The following PTPRM variants were observed in gnomAD, a reference collection of about 807,000 sequenced individuals.
The protein encoded by PTPRM is protein tyrosine phosphatase receptor type M, also known as receptor-type tyrosine-protein phosphatase mu.
A neutral mutation model predicts 186.7 loss-of-function variants in PTPRM; 47 were observed. That is an observed-to-expected ratio of 0.25 (90% confidence interval 0.20 to 0.32). The LOEUF is 0.32. PTPRM is among the 10% of genes least tolerant of loss of function. The pLI, the probability that PTPRM is intolerant of heterozygous loss-of-function variation, is 1.00. For missense variants in PTPRM, 1,494 were observed against 1,865.0 expected (o/e 0.80, Z 3.66); for synonymous variants, 668 against 674.9 (o/e 0.99, Z 0.16).
intron 1 of PTPRM, among the ~76,000 whole-genome samples, chr18:7,642,718 T>G (rs1053846070): frequency 6.6e-5 from 10 of 152,128 alleles, no homozygotes; most frequent in East Asian, 5.8e-4. Context: ...TCATTTGATG[T>G]GGTCGCGCTA....
At chr18:7,829,348 T>C (rs1158372365) in intron 2 of PTPRM, among the ~76,000 whole-genome samples, 2 of 152,186 alleles carry the variant, frequency 1.3e-5, no homozygotes, top group African/African-American at 2.4e-5. Flanking sequence ...AAGATAATAA[T>C]AGATGCACAT....
chr18:8,134,839 G>A lies in PTPRM; in HGVS notation c.2168-8808G>A, dbSNP rs114406470. Among the ~76,000 whole-genome samples, 1,239 of 152,080 alleles carry A rather than the reference G, an allele frequency of 8.1e-3. 12 individuals carry two copies. The highest frequency in any genetic ancestry group is 0.028 in the African/African-American group (1,147 of 41,484). On this transcript the variant is annotated intron_variant, in intron 13 of 32. Transcript: ENST00000580170. ...TGAGCAATAACCACTTGAGTTTTCT[G>A]TATTATATTGGGGAATGCTGTAGTG...
intron 18 of PTPRM, 146 bp from the exon 19 acceptor site, chr18:8,253,081 T>G (rs2094543334): frequency 5.5e-6 from 3 of 541,882 alleles, no homozygotes; most frequent in Admixed American, 4.2e-5. Context: ...TTCTAAACAT[T>G]TAACTTTTCT....
Position 7,944,748 on chromosome 18 carries a change from T to A in PTPRM, c.664-4433T>A, listed in dbSNP as rs148105973. On this transcript the variant is annotated intron_variant, in intron 5 of 32. Coordinates refer to ENST00000580170, the MANE Select transcript of PTPRM (RefSeq NM_001105244.2). ...TAGTTCTGTGCTCTCTCTTGGCTCC[T>A]GACTCTGAAGAGCTTCTCTTATTCA... 1.6e-4 allele frequency among the ~76,000 whole-genome samples: 24 copies of A among 152,334 alleles called. No homozygotes were observed. In the East Asian group the frequency reaches 4.6e-3, roughly 29 times the overall value.
intron 2 of PTPRM, among the ~76,000 whole-genome samples, chr18:7,802,591 G>A (rs79715555): frequency 2.1e-3 from 317 of 152,224 alleles, no homozygotes; most frequent in African/African-American, 7.4e-3. Flanking sequence ...GCCCACTGCC[G>A]TTATTACAAA....
At chr18:7,707,153 A>G (rs576495817) in intron 1 of PTPRM, among the ~76,000 whole-genome samples, 11 of 152,320 alleles carry the variant, frequency 7.2e-5, no homozygotes, top group African/African-American at 2.4e-4. Context: ...AGGAAAATAT[A>G]AAGCATTATT....
intron 4 of PTPRM, among the ~76,000 whole-genome samples, chr18:7,920,747 T>C (rs1431173178): frequency 1.3e-5 from 2 of 152,214 alleles, no homozygotes; most frequent in Admixed American, 1.3e-4. Flanking sequence ...TCCTTTCAGA[T>C]TGAAGAATTC....
intron 28 of PTPRM, 121 bp from the exon 29 acceptor site, chr18:8,380,175 C>A: frequency 9.6e-7 from 1 of 1,044,452 alleles, no homozygotes; most frequent in Non-Finnish European, 1.4e-6. Context: ...TGACAGAATT[C>A]AACAGCTGTT....
intron 7 of PTPRM, among the ~76,000 whole-genome samples, chr18:8,029,030 C>T (rs2085762580): frequency 2.0e-5 from 3 of 152,240 alleles, no homozygotes; most frequent in African/African-American, 7.2e-5. Flanking sequence ...AGGGCTGGGC[C>T]TTCCCTATGC....
intron 14 of PTPRM, among the ~76,000 whole-genome samples, chr18:8,201,497 A>G (rs1247765878): frequency 2.0e-5 from 3 of 152,184 alleles, no homozygotes; most frequent in Non-Finnish European, 4.4e-5. Flanking sequence ...TGCTATTACT[A>G]TATCTATTTA....
At chr18:7,650,098 C>T (rs2038661679) in intron 1 of PTPRM, among the ~76,000 whole-genome samples, 1 of 152,100 alleles carries the variant, frequency 6.6e-6, no homozygotes, top group South Asian at 2.1e-4. Context: ...GTGCGGATTA[C>T]TGGTACAGTA....
intron 14 of PTPRM, among the ~76,000 whole-genome samples, chr18:8,229,197 CCAGG>C (rs2094253870): frequency 6.6e-6 from 1 of 152,008 alleles, no homozygotes; most frequent in African/African-American, 2.4e-5. Flanking sequence ...CTACCACATG[CCAGG>C]CACTTTCTAA....
chr18:7,972,650 C>A (rs1053470784), intron 7 of PTPRM, among the ~76,000 whole-genome samples: 1 of 151,760 alleles, frequency 6.6e-6, no homozygotes, highest in South Asian at 2.1e-4. Flanking sequence ...CTATAATGCT[C>A]CTAATTTGAG....
At chr18:7,706,958 T>C (rs539055774) in intron 1 of PTPRM, among the ~76,000 whole-genome samples, 2 of 152,142 alleles carry the variant, frequency 1.3e-5, no homozygotes, top group East Asian at 1.9e-4. Context: ...TACTTCCAGA[T>C]TGGGGGATAG....
intron 22 of PTPRM, among the ~76,000 whole-genome samples, chr18:8,331,270 A>C (rs1476427637): frequency 6.6e-6 from 1 of 152,232 alleles, no homozygotes; most frequent in Non-Finnish European, 1.5e-5. Flanking sequence ...GGAACATTTC[A>C]ATTCTAAGAG....
At chr18:8,104,593 T>G (rs984323868) in intron 11 of PTPRM, among the ~76,000 whole-genome samples, 1 of 151,990 alleles carries the variant, frequency 6.6e-6, no homozygotes, top group Admixed American at 6.6e-5. Flanking sequence ...TTAGAGGTGG[T>G]GTGCCACCAC....
At chr18:8,008,977 G>T (rs563113160) in intron 7 of PTPRM, among the ~76,000 whole-genome samples, 3 of 152,276 alleles carry the variant, frequency 2.0e-5, no homozygotes, top group Admixed American at 2.0e-4. Context: ...CTGGCTTGAA[G>T]ACAGTTTAAT....
At chr18:7,805,318 A>G (rs770784478) in intron 2 of PTPRM, among the ~76,000 whole-genome samples, 1 of 152,076 alleles carries the variant, frequency 6.6e-6, no homozygotes, top group Non-Finnish European at 1.5e-5. Context: ...CACTCTCACC[A>G]CAGCTCATCA....
intron 1 of PTPRM, among the ~76,000 whole-genome samples, chr18:7,629,226 A>G (rs1447708688): frequency 6.6e-6 from 1 of 152,218 alleles, no homozygotes; most frequent in Non-Finnish European, 1.5e-5. Context: ...AGGTCAATGT[A>G]GGGAAGAACC....
Sources: allele counts gnomAD v4.1 joint callset (sites outside exome capture counted in the v4.1 genomes callset), GRCh38; gene constraint gnomAD v4.1.1; transcripts MANE v1.5; gene names NCBI Gene and HGNC (gene_info 2026-07-23, HGNC 2026-07-21).